The following LRRTM4 variants were observed in gnomAD, a reference collection of about 807,000 sequenced individuals.
LRRTM4 encodes the protein leucine rich repeat transmembrane neuronal 4.
A neutral mutation model predicts 47.6 loss-of-function variants in LRRTM4; 25 were observed. That is an observed-to-expected ratio of 0.53 (90% CI 0.38 to 0.73). The LOEUF (loss-of-function observed/expected upper bound fraction) is 0.73. Ranked by LOEUF, LRRTM4 falls within the 30% of genes least tolerant of loss-of-function variation. The probability of loss-of-function intolerance (pLI) is 0.00; values close to 1 mark genes in which losing one functional copy is unlikely to be tolerated. For missense variants in LRRTM4, 638 were observed against 713.4 expected (o/e 0.89, Z 1.20); for synonymous variants, 311 against 269.5 (o/e 1.15, Z -1.51).
chr2:76,993,039 A>G (rs758799466), intron 3 of LRRTM4, among the ~76,000 whole-genome samples: 1 of 151,824 alleles, frequency 6.6e-6, no homozygotes, highest in Non-Finnish European at 1.5e-5. Context: ...TTCCTCGTCA[A>G]TAACTGGTGC....
intron 3 of LRRTM4, among the ~76,000 whole-genome samples, chr2:77,400,683 ATAGGTGCTCAAG>A (rs1673914956): frequency 6.6e-6 from 1 of 151,836 alleles, no homozygotes; most frequent in Admixed American, 6.6e-5. Context: ...CTAGCCCTGA[ATAGGTGCTCAAG>A]TTCGGCAGCC....
chr2:77,040,542 C>G (rs887160805), intron 3 of LRRTM4, among the ~76,000 whole-genome samples: 4 of 151,414 alleles, frequency 2.6e-5, no homozygotes, highest in African/African-American at 4.8e-5. Flanking sequence ...TGCTAGTAAA[C>G]AGTAGGCTTC....
intron 3 of LRRTM4, among the ~76,000 whole-genome samples, chr2:76,923,618 T>C (rs1674501743): frequency 6.6e-6 from 1 of 152,090 alleles, no homozygotes. Context: ...TCTACTCCTC[T>C]ACCCACATAT....
intron 3 of LRRTM4, among the ~76,000 whole-genome samples, chr2:77,095,623 A>C (rs998965232): frequency 6.6e-6 from 1 of 150,984 alleles, no homozygotes; most frequent in African/African-American, 2.4e-5. Flanking sequence ...CTCGTGCCTC[A>C]GCCTCCCAAG....
In LRRTM4 at chr2:77,377,309, T is replaced by C. The variant is rs1256320310; in HGVS notation, c.1551+141009A>G. On this transcript the variant is annotated intron_variant, in intron 3 of 3. Transcript: ENST00000409884. ...CATTATTTTAAAATTAAATTTTCTA[T>C]GTTTTTATTTATATTACATTAGCTC... Among the ~76,000 whole-genome samples, 6 of 151,946 alleles carry C rather than the reference T, an allele frequency of 3.9e-5. No homozygotes were observed. The South Asian group carries it at 6.2e-4, about 16-fold the overall frequency.
At chr2:77,346,119 T>C (rs904736610) in intron 3 of LRRTM4, among the ~76,000 whole-genome samples, 1 of 152,030 alleles carries the variant, frequency 6.6e-6, no homozygotes, top group African/African-American at 2.4e-5. Flanking sequence ...AAAGTTTGCA[T>C]AATGTATGAT....
chr2:77,500,708 A>T (rs1445544501), intron 3 of LRRTM4, among the ~76,000 whole-genome samples: 1 of 151,630 alleles, frequency 6.6e-6, no homozygotes, highest in Non-Finnish European at 1.5e-5. Flanking sequence ...GTATTATTTT[A>T]AAAAATAACG....
At chr2:77,338,375 A>G (rs752056594) in intron 3 of LRRTM4, among the ~76,000 whole-genome samples, 4 of 152,030 alleles carry the variant, frequency 2.6e-5, no homozygotes, top group African/African-American at 7.2e-5. Flanking sequence ...TCTATAAGAA[A>G]CTTAGACAAA....
intron 3 of LRRTM4, among the ~76,000 whole-genome samples, chr2:77,089,064 T>C (rs781499417): frequency 5.3e-5 from 8 of 152,116 alleles, no homozygotes; most frequent in South Asian, 2.1e-4. Context: ...TCTCTGATTA[T>C]ACGCCCACGT....
intron 3 of LRRTM4, among the ~76,000 whole-genome samples, chr2:77,438,940 C>T (rs1558743916): frequency 6.6e-6 from 1 of 152,070 alleles, no homozygotes; most frequent in Non-Finnish European, 1.5e-5. Flanking sequence ...GGGCATACTG[C>T]AATTGAACTA....
chr2:77,290,559 G>A (rs1188378074), intron 3 of LRRTM4, among the ~76,000 whole-genome samples: 1 of 151,858 alleles, frequency 6.6e-6, no homozygotes, highest in Non-Finnish European at 1.5e-5. Context: ...AAAATGAAAT[G>A]TTTCAAACAC....
At chr2:77,035,547 C>T (rs1678808256) in intron 3 of LRRTM4, among the ~76,000 whole-genome samples, 1 of 151,720 alleles carries the variant, frequency 6.6e-6, no homozygotes, top group Non-Finnish European at 1.5e-5. Flanking sequence ...TAGTGTTTTG[C>T]TTTTCTTTTA....
At chr2:77,336,367 C>A (rs942451210) in intron 3 of LRRTM4, among the ~76,000 whole-genome samples, 10 of 152,030 alleles carry the variant, frequency 6.6e-5, no homozygotes, top group African/African-American at 2.4e-4. Flanking sequence ...CTATGAGAGG[C>A]TTGCACTTTT....
chr2:77,196,976 C>T (rs1382933802), intron 3 of LRRTM4, among the ~76,000 whole-genome samples: 1 of 152,048 alleles, frequency 6.6e-6, no homozygotes, highest in African/African-American at 2.4e-5. Context: ...AATCCTATAA[C>T]TTTCTTGGAC....
rs188638516 is a variant in LRRTM4, at chr2:77,022,867, G to T, written c.1552-273951C>A. ...CGTTGTAAGCTGTAGTTGGATCTAC[G>T]ATTCTGGGGTCTGGAGGATGGTGGC... is the stretch of plus-strand genomic sequence containing the variant. On this transcript the variant is annotated intron_variant, in intron 3 of 3. Coordinates refer to ENST00000409884, the MANE Select transcript of LRRTM4 (RefSeq NM_001134745.3). Among the ~76,000 whole-genome samples the T allele has an allele frequency of 2.2e-4, 33 of 152,266 alleles. No homozygotes were observed. The East Asian group carries it at 5.8e-3, about 27-fold the overall frequency.
chr2:77,068,109 T>C (rs1680022070), intron 3 of LRRTM4, among the ~76,000 whole-genome samples: 1 of 152,174 alleles, frequency 6.6e-6, no homozygotes, highest in African/African-American at 2.4e-5. Flanking sequence ...GACTATTTCA[T>C]TTTTCATAAA....
intron 3 of LRRTM4, among the ~76,000 whole-genome samples, chr2:77,190,387 C>T (rs539968070): frequency 2.7e-5 from 4 of 150,802 alleles, no homozygotes; most frequent in South Asian, 2.1e-4. Flanking sequence ...CCTCCGCCTC[C>T]CAGTTCAAGC....
At chr2:76,927,261 C>T (rs1201409196) in intron 3 of LRRTM4, among the ~76,000 whole-genome samples, 1 of 152,028 alleles carries the variant, frequency 6.6e-6, no homozygotes, top group African/African-American at 2.4e-5. Flanking sequence ...CCATATGTAT[C>T]CACATTGATG....
rs1396272873 is a variant in LRRTM4, at chr2:77,424,764, C to T, written c.1551+93554G>A. The stretch of plus-strand genomic sequence containing the variant: ...AAGTATTTTGAAGATTTGCTTCAAA[C>T]TTGAGGAAATTCCAGCCTTAATCAC... On this transcript the variant is annotated intron_variant, in intron 3 of 3. Coordinates refer to ENST00000409884, the MANE Select transcript of LRRTM4 (RefSeq NM_001134745.3). Among the ~76,000 whole-genome samples, 3 of 152,148 alleles carry T rather than the reference C, an allele frequency of 2.0e-5. No individual in the cohort carries two copies. The East Asian group carries it at 5.8e-4, about 29-fold the overall frequency.
Sources: gnomAD v4.1 joint callset for allele counts (sites outside exome capture counted in the v4.1 genomes callset) on GRCh38, gnomAD v4.1.1 for gene constraint, MANE v1.5 for transcripts, NCBI Gene and HGNC (gene_info 2026-07-23, HGNC 2026-07-21) for gene names.